Variants in KCNIP1 observed in about 807,000 individuals in gnomAD.
KCNIP1 encodes the protein A-type potassium channel modulatory protein KCNIP1.
In KCNIP1, 18 loss-of-function variants were observed where a neutral mutation model predicts 33.0. That is an observed-to-expected ratio of 0.55 (90% CI 0.38 to 0.81). The LOEUF is 0.81. Among genes scored for constraint, KCNIP1 ranks in the 30% least tolerant of loss-of-function variants. The pLI is 0.00. For missense variants in KCNIP1, 238 were observed against 271.6 expected (o/e 0.88, Z 0.87); for synonymous variants, 93 against 98.3 (o/e 0.95, Z 0.32).
At chr5:170,583,205 A>G (rs1757862965) in intron 1 of KCNIP1, among the ~76,000 whole-genome samples, 1 of 152,170 alleles carries the variant, frequency 6.6e-6, no homozygotes, top group South Asian at 2.1e-4. Context: ...TTTCACTTGC[A>G]TTCTTGTCTC....
intron 1 of KCNIP1, among the ~76,000 whole-genome samples, chr5:170,447,864 C>T (rs1756156657): frequency 6.6e-6 from 1 of 151,754 alleles, no homozygotes; most frequent in South Asian, 2.1e-4. Flanking sequence ...CATCCTATTC[C>T]CTTTCACCTT....
chr5:170,654,860 G>A (rs1456671560), intron 1 of KCNIP1, among the ~76,000 whole-genome samples: 1 of 152,234 alleles, frequency 6.6e-6, no homozygotes, highest in Non-Finnish European at 1.5e-5. Context: ...GTAAGATAAT[G>A]TTAAGCTAAC....
In KCNIP1 at chr5:170,495,014, ACT is replaced by A. The variant is rs532869772; in HGVS notation, c.88+141053_88+141054del. Among the ~76,000 whole-genome samples, 12 of 152,140 alleles carry A rather than the reference ACT, an allele frequency of 7.9e-5. No individual in the cohort carries two copies. In the South Asian group the frequency reaches 2.3e-3, roughly 29 times the overall value. On this transcript the variant is annotated intron_variant, in intron 1 of 7. Coordinates refer to the KCNIP1 transcript ENST00000377360. ...AATAGCTAAGAATTTCAGGTAACTC[ACT>A]CTGATGTACCAGAAAGTTACTTTGC...
At chr5:170,652,688 A>T (rs1761095417) in intron 1 of KCNIP1, among the ~76,000 whole-genome samples, 1 of 152,156 alleles carries the variant, frequency 6.6e-6, no homozygotes, top group African/African-American at 2.4e-5. Context: ...TGCCCAAGTG[A>T]TGTTCCATGT....
chr5:170,483,301 G>A, intron 1 of KCNIP1: 3 of 273,866 alleles, frequency 1.1e-5, no homozygotes, highest in South Asian at 7.1e-5. Flanking sequence ...CCCTCCCCAG[G>A]AGGAGATGCA....
intron 1 of KCNIP1, among the ~76,000 whole-genome samples, chr5:170,458,143 G>A (rs946508850): frequency 6.6e-6 from 1 of 152,116 alleles, no homozygotes; most frequent in Non-Finnish European, 1.5e-5. Context: ...ATCCAAAAAA[G>A]ACAAAGGAAA....
intron 1 of KCNIP1, among the ~76,000 whole-genome samples, chr5:170,551,608 G>C (rs1024466660): frequency 6.6e-6 from 1 of 152,078 alleles, no homozygotes; most frequent in African/African-American, 2.4e-5. Context: ...ATTTGTTCTT[G>C]CCAAGGTAGC....
chr5:170,444,547 T>C (rs1301261945), intron 1 of KCNIP1, among the ~76,000 whole-genome samples: 2 of 152,224 alleles, frequency 1.3e-5, no homozygotes, highest in East Asian at 3.9e-4. Context: ...GGCATAGGGA[T>C]GAGGATGCGG....
At chr5:170,619,440 T>C (rs4146511) in intron 1 of KCNIP1, among the ~76,000 whole-genome samples, 60,612 of 151,976 alleles carry the variant, frequency 0.4, 12,376 homozygotes, top group East Asian at 0.5. Context: ...CACAAAGGTT[T>C]GCCAGGAGCC....
intron 1 of KCNIP1, among the ~76,000 whole-genome samples, chr5:170,622,623 A>AG (rs1759647940): frequency 2.1e-5 from 1 of 47,248 alleles, no homozygotes; most frequent in African/African-American, 1.2e-4. Flanking sequence ...ACTCTGTCTC[A>AG]AAAAAAAAAA....
intron 1 of KCNIP1, among the ~76,000 whole-genome samples, chr5:170,388,212 G>T (rs868781375): frequency 6.6e-6 from 1 of 152,224 alleles, no homozygotes; most frequent in Non-Finnish European, 1.5e-5. Context: ...GGTCTGACCC[G>T]TCTCTAATGG....
intron 1 of KCNIP1, among the ~76,000 whole-genome samples, chr5:170,479,488 A>G (rs1756926945): frequency 6.6e-6 from 1 of 152,256 alleles, no homozygotes; most frequent in Non-Finnish European, 1.5e-5. Context: ...TATATTTAAT[A>G]GAAGAATTAA....
intron 1 of KCNIP1, among the ~76,000 whole-genome samples, chr5:170,424,852 C>A (rs141203859): frequency 1.3e-5 from 2 of 152,330 alleles, no homozygotes; most frequent in African/African-American, 4.8e-5. Context: ...TATGATATGG[C>A]CCCTGCCAAC....
intron 1 of KCNIP1, among the ~76,000 whole-genome samples, chr5:170,361,697 C>T (rs1452573600): frequency 2.0e-5 from 3 of 152,190 alleles, no homozygotes; most frequent in Non-Finnish European, 4.4e-5. Flanking sequence ...AGGATGCTAG[C>T]ACTGTGGACT....
At chr5:170,402,642 G>A (rs1032252184) in intron 1 of KCNIP1, among the ~76,000 whole-genome samples, 6 of 152,286 alleles carry the variant, frequency 3.9e-5, no homozygotes, top group African/African-American at 7.2e-5. Context: ...AGTGACATAC[G>A]TTACTGATCC....
At chr5:170,538,615 C>A (rs1366426646) in intron 1 of KCNIP1, among the ~76,000 whole-genome samples, 1 of 151,910 alleles carries the variant, frequency 6.6e-6, no homozygotes, top group African/African-American at 2.4e-5. Context: ...CCAGACTCCT[C>A]CCTTGCACCA....
intron 1 of KCNIP1, among the ~76,000 whole-genome samples, chr5:170,390,152 C>CA (rs33969057): frequency 0.27 from 40,690 of 151,734 alleles, 5,569 homozygotes; most frequent in African/African-American, 0.3. Flanking sequence ...CATTTGCAGG[C>CA]AAAAAACATG....
intron 1 of KCNIP1, among the ~76,000 whole-genome samples, chr5:170,439,591 A>T (rs531519872): frequency 2.4e-4 from 36 of 152,264 alleles, no homozygotes; most frequent in East Asian, 1.9e-3. Context: ...CAGCCTGACC[A>T]CTTAGTGGGG....
chr5:170,510,797 C>T (rs567916367), intron 1 of KCNIP1, among the ~76,000 whole-genome samples: 38 of 152,140 alleles, frequency 2.5e-4, no homozygotes, highest in African/African-American at 8.2e-4. Context: ...AATCAGGAAG[C>T]TAGAAGTAGG....
Sources: allele counts gnomAD v4.1 joint callset (sites outside exome capture counted in the v4.1 genomes callset), GRCh38; gene constraint gnomAD v4.1.1; transcripts MANE v1.5; gene names NCBI Gene and HGNC (gene_info 2026-07-23, HGNC 2026-07-21).